The following ARB2A variants were observed in gnomAD, a reference collection of about 807,000 sequenced individuals.
The protein encoded by ARB2A is ARB2 cotranscriptional regulator A.
chr5:93,946,138 G>T, the ARB2A span, among the ~76,000 whole-genome samples: 1 of 151,942 alleles, frequency 6.6e-6, no homozygotes, highest in East Asian at 1.9e-4. Flanking sequence ...AACAAAATGA[G>T]GGCATATATC....
the ARB2A span, chr5:93,618,828 C>A: frequency 6.6e-6 from 1 of 152,156 alleles, no homozygotes; most frequent in African/African-American, 2.4e-5. Context: ...GTGATTTATT[C>A]TAGCTATAAG....
chr5:93,818,508 A>G, the ARB2A span, among the ~76,000 whole-genome samples: 1 of 152,220 alleles, frequency 6.6e-6, no homozygotes, highest in Non-Finnish European at 1.5e-5. Context: ...CAAACAAGCG[A>G]ACGTAAGCTA....
At chr5:93,780,118 C>G in the ARB2A span, among the ~76,000 whole-genome samples, 5 of 152,124 alleles carry the variant, frequency 3.3e-5, no homozygotes, top group Non-Finnish European at 2.9e-5. Flanking sequence ...TTGCATTTGT[C>G]TGAGTTGTAA....
the ARB2A span, among the ~76,000 whole-genome samples, chr5:93,853,068 A>G: frequency 1.3e-5 from 2 of 152,118 alleles, no homozygotes; most frequent in African/African-American, 2.4e-5. Context: ...TTTTCATGAT[A>G]TTGATTCTTC....
At chr5:93,699,167 T>C in the ARB2A span, among the ~76,000 whole-genome samples, 1 of 152,214 alleles carries the variant, frequency 6.6e-6, no homozygotes. Context: ...GATAGAAAAG[T>C]GGCACAGAAA....
chr5:94,004,998 C>CAAAAA, the ARB2A span, among the ~76,000 whole-genome samples: 40 of 12,530 alleles, frequency 3.2e-3, no homozygotes, highest in African/African-American at 5.7e-3. Context: ...ATTTTATCAG[C>CAAAAA]AAAAAAAAAA....
chr5:93,645,663 A>C, the ARB2A span, among the ~76,000 whole-genome samples: 3 of 152,290 alleles, frequency 2.0e-5, no homozygotes, highest in African/African-American at 7.2e-5. Context: ...AAGACACTAA[A>C]GTGTAGTATC....
chr5:93,710,822 T>C, the ARB2A span, among the ~76,000 whole-genome samples: 1 of 152,200 alleles, frequency 6.6e-6, no homozygotes, highest in Admixed American at 6.5e-5. Context: ...TTTTAGTTAG[T>C]CTGCTTTTGA....
the ARB2A span, among the ~76,000 whole-genome samples, chr5:93,659,289 A>G: frequency 6.6e-6 from 1 of 152,136 alleles, no homozygotes; most frequent in African/African-American, 2.4e-5. Flanking sequence ...TACTTCTAAT[A>G]GTGCCTAACA....
At chr5:93,788,613 C>T in the ARB2A span, among the ~76,000 whole-genome samples, 1 of 152,184 alleles carries the variant, frequency 6.6e-6, no homozygotes, top group Non-Finnish European at 1.5e-5. Context: ...TAGCATTTCT[C>T]TGGATTTCAT....
chr5:94,107,601 G>A, the ARB2A span, among the ~76,000 whole-genome samples: 1 of 150,420 alleles, frequency 6.6e-6, no homozygotes, highest in Admixed American at 6.6e-5. Context: ...TATTAAAAAT[G>A]CCCTTCCTTC....
chr5:93,979,967 C>T, the ARB2A span, among the ~76,000 whole-genome samples: 346 of 152,086 alleles, frequency 2.3e-3, 4 homozygotes, highest in African/African-American at 7.6e-3. Flanking sequence ...ATCTTTTTAA[C>T]GCATCTTACC....
chr5:93,657,610 C>T, the ARB2A span, among the ~76,000 whole-genome samples: 1 of 152,032 alleles, frequency 6.6e-6, no homozygotes. Flanking sequence ...CTTGTATATG[C>T]CAGACACTGT....
chr5:93,656,934 T>G, the ARB2A span, among the ~76,000 whole-genome samples: 3 of 152,150 alleles, frequency 2.0e-5, no homozygotes, highest in Non-Finnish European at 4.4e-5. Context: ...CATTTTTCCA[T>G]GCTGTCCTCA....
chr5:93,744,131 T>C, the ARB2A span, among the ~76,000 whole-genome samples: 9 of 152,094 alleles, frequency 5.9e-5, no homozygotes, highest in African/African-American at 2.2e-4. Context: ...GCTAAAAACA[T>C]TTACTAAATT....
chr5:93,955,059 G>C, the ARB2A span, among the ~76,000 whole-genome samples: 2 of 152,212 alleles, frequency 1.3e-5, no homozygotes, highest in African/African-American at 4.8e-5. Context: ...GGCGATTCAA[G>C]AGTGTCTTTC....
chr5:94,053,023 TA>T, the ARB2A span: 1 of 501,028 alleles, frequency 2.0e-6, no homozygotes, highest in Non-Finnish European at 3.4e-6. Context: ...TAGCAAATAA[TA>T]TCTGTCTTAT....
the ARB2A span, chr5:93,866,350 A>C: frequency 5.4e-5 from 50 of 931,110 alleles, no homozygotes; most frequent in Non-Finnish European, 6.3e-5. Flanking sequence ...TTATGGGAGG[A>C]ACAGTGTTTT....
the ARB2A span, among the ~76,000 whole-genome samples, chr5:93,703,582 T>C: frequency 6.6e-6 from 1 of 152,208 alleles, no homozygotes; most frequent in Non-Finnish European, 1.5e-5. Flanking sequence ...TAATGGTTTT[T>C]GCGAATCAAT....
Sources: allele counts gnomAD v4.1 joint callset (sites outside exome capture counted in the v4.1 genomes callset), GRCh38; gene constraint gnomAD v4.1.1; transcripts MANE v1.5; gene names NCBI Gene and HGNC (gene_info 2026-07-23, HGNC 2026-07-21).